Variants in EPB41L5 observed in about 807,000 individuals in gnomAD.
EPB41L5 encodes the protein erythrocyte membrane protein band 4.1 like 5.
In EPB41L5, 55 loss-of-function variants were observed where a neutral mutation model predicts 106.6. That is an observed-to-expected ratio of 0.52 (90% CI 0.42 to 0.65). The LOEUF is 0.65. EPB41L5 is among the 30% of genes least tolerant of loss of function. The probability of loss-of-function intolerance (pLI) is 0.00; values close to 1 mark genes in which losing one functional copy is unlikely to be tolerated. For missense variants in EPB41L5, 871 were observed against 882.1 expected, an observed-to-expected ratio of 0.99 and a Z score of 0.16; for synonymous variants, 297 against 306.7, an observed-to-expected ratio of 0.97 and a Z score of 0.33.
At chr2:120,031,981 A>AT (rs1558809169) in intron 2 of EPB41L5, among the ~76,000 whole-genome samples, 1 of 152,150 alleles carries the variant, frequency 6.6e-6, no homozygotes, top group Admixed American at 6.6e-5. Flanking sequence ...TACAAAAAAA[A>AT]TTTTTTTTAA....
intron 16 of EPB41L5, chr2:120,104,736 AATTT>A: frequency 1.1e-6 from 1 of 918,370 alleles, no homozygotes. Context: ...CACATACCTT[AATTT>A]AAGTGCCTAA....
intron 18 of EPB41L5, among the ~76,000 whole-genome samples, chr2:120,142,765 CT>C (rs1261753650): frequency 2.0e-5 from 3 of 152,116 alleles, no homozygotes; most frequent in African/African-American, 7.2e-5. Context: ...CAGATTTGCC[CT>C]TTGGGTTATA....
chr2:120,034,502 A>T (rs900319531), intron 2 of EPB41L5, among the ~76,000 whole-genome samples: 4 of 152,132 alleles, frequency 2.6e-5, no homozygotes, highest in African/African-American at 7.2e-5. Flanking sequence ...GTAGTGTAGA[A>T]ATATTTTGTA....
At chr2:120,168,162 G>A (rs960575237) in intron 24 of EPB41L5, among the ~76,000 whole-genome samples, 155 bp downstream of exon 24, 6 of 152,156 alleles carry the variant, frequency 3.9e-5, no homozygotes, top group Non-Finnish European at 8.8e-5. Flanking sequence ...ATTTAGTGTA[G>A]TGGCTTTTTC....
intron 16 of EPB41L5, among the ~76,000 whole-genome samples, chr2:120,114,873 CAT>C (rs1274818064): frequency 6.6e-6 from 1 of 152,116 alleles, no homozygotes; most frequent in Non-Finnish European, 1.5e-5. Flanking sequence ...TTTTTCTGCT[CAT>C]AAAGTGAAAG....
intron 21 of EPB41L5, among the ~76,000 whole-genome samples, chr2:120,163,946 C>T (rs1331078419): frequency 5.1e-4 from 58 of 114,346 alleles, no homozygotes; most frequent in Non-Finnish European, 9.3e-4. Context: ...AAGATCTTGT[C>T]TCAAAACAAC....
Position 120,042,047 on chromosome 2 carries a change from C to T in EPB41L5, c.222C>T (p.Tyr74=). ...AAGAGTTGTTTGATCAGATTATGTA[C>T]CACCTGGACCTGATTGAAAGCGACT... ...KGQELFDQIM[Y]HLDLIESDYF... is the part of the protein sequence containing the mutation. The change falls in exon 3 of 25, where the codon TAC becomes TAT. Residue 74 remains tyrosine (Y), a synonymous_variant. Transcript: ENST00000263713. 2 of 1,613,250 alleles carry T rather than the reference C, an allele frequency of 1.2e-6. No individual in the cohort carries two copies. Among genetic ancestry groups the T allele is most frequent in the East Asian group, 2.2e-5 (1 of 44,832 alleles).
intron 2 of EPB41L5, among the ~76,000 whole-genome samples, chr2:120,020,060 TTC>T (rs1357723727): frequency 6.6e-6 from 1 of 152,202 alleles, no homozygotes; most frequent in African/African-American, 2.4e-5. Flanking sequence ...TTGAATATTT[TTC>T]TGAGTTGCTT....
At chr2:120,161,442 C>G (rs1347202479) in intron 21 of EPB41L5, among the ~76,000 whole-genome samples, 1 of 151,710 alleles carries the variant, frequency 6.6e-6, no homozygotes. Flanking sequence ...CCTGTTGCCA[C>G]ACTACTCACA....
At chr2:120,020,326 A>G (rs1000697507) in intron 2 of EPB41L5, among the ~76,000 whole-genome samples, 3 of 152,198 alleles carry the variant, frequency 2.0e-5, no homozygotes, top group African/African-American at 7.2e-5. Context: ...AGTATAAGGA[A>G]TTGGAGAGTT....
intron 16 of EPB41L5, among the ~76,000 whole-genome samples, chr2:120,123,265 T>G (rs1685310424): frequency 6.6e-6 from 1 of 152,202 alleles, no homozygotes; most frequent in South Asian, 2.1e-4. Context: ...CTGACTGTTG[T>G]TCACCGCCTC....
chr2:120,020,564 G>A (rs1677851419), intron 2 of EPB41L5, among the ~76,000 whole-genome samples: 1 of 145,432 alleles, frequency 6.9e-6, no homozygotes, highest in Non-Finnish European at 1.5e-5. Flanking sequence ...CTTCCTGTAA[G>A]TGCTTCTTGA....
rs1678056681 is a variant in EPB41L5 at position 120,023,133 on chromosome 2, C to T, written c.180+3869C>T. On this transcript the variant is annotated intron_variant, in intron 2 of 24. Transcript: ENST00000263713. ...AAACTTTCTCCCATTCTGTAGTTTGCCAGATGATAGTTTCTTTTGCTGGGC... is the reference window on the plus strand; with the variant it reads ...AAACTTTCTCCCATTCTGTAGTTTGTCAGATGATAGTTTCTTTTGCTGGGC... Among the ~76,000 whole-genome samples the T allele has an allele frequency of 3.3e-5, 5 of 151,960 alleles. No homozygotes were observed. The South Asian group carries it at 1.0e-3, about 32-fold the overall frequency.
intron 18 of EPB41L5, among the ~76,000 whole-genome samples, chr2:120,133,534 C>T (rs1283391190): frequency 1.3e-5 from 2 of 152,138 alleles, no homozygotes; most frequent in African/African-American, 4.8e-5. Context: ...GGCACAATTT[C>T]GCTGGTGCCC....
intron 10 of EPB41L5, among the ~76,000 whole-genome samples, chr2:120,079,365 A>AGG: frequency 6.6e-6 from 1 of 152,334 alleles, no homozygotes; most frequent in East Asian, 1.9e-4. Context: ...TGTAGATTAA[A>AGG]GGACCCCAAA....
At chr2:120,016,653 C>G (rs1383333929) in intron 1 of EPB41L5, among the ~76,000 whole-genome samples, 1 of 151,642 alleles carries the variant, frequency 6.6e-6, no homozygotes, top group Non-Finnish European at 1.5e-5. Context: ...TTTTTCGTAT[C>G]TTGCTCTTTG....
Position 120,019,127 on chromosome 2 carries a change from C to A in EPB41L5, c.43C>A (p.Arg15Ser). Residue 15 changes from arginine to serine, a missense_variant, in exon 2 of 25, where the codon CGT (arginine) becomes AGT (serine). Arg to Ser is a moderately radical substitution (Grantham distance 110, BLOSUM62 -1). Coordinates refer to ENST00000263713, the MANE Select transcript of EPB41L5 (RefSeq NM_020909.4). ...FRRTLGRRSM[R>S]KHAEKERLRE... Reference sequence around the variant, plus strand: ...TAGAACACTAGGGCGTCGGTCTATGCGTAAACATGCAGAGAAGGAACGACT... The same window carrying A: ...TAGAACACTAGGGCGTCGGTCTATGAGTAAACATGCAGAGAAGGAACGACT... The A allele has an allele frequency of 1.2e-6, 2 of 1,613,614 alleles. No individual in the cohort carries two copies. Among genetic ancestry groups the A allele is most frequent in the East Asian group, 2.2e-5 (1 of 44,872 alleles).
chr2:120,087,442 A>G (rs992753197), intron 11 of EPB41L5, among the ~76,000 whole-genome samples: 3 of 152,226 alleles, frequency 2.0e-5, no homozygotes, highest in East Asian at 3.8e-4. Flanking sequence ...GAAAAATAAT[A>G]TAAAAGTGTC....
At chr2:120,061,445 G>A (rs543364590) in intron 3 of EPB41L5, among the ~76,000 whole-genome samples, 2 of 151,488 alleles carry the variant, frequency 1.3e-5, no homozygotes, top group Admixed American at 6.6e-5. Flanking sequence ...GGATGGTCTC[G>A]ATCTCCTGAC....
Sources: gnomAD v4.1 joint callset for allele counts (sites outside exome capture counted in the v4.1 genomes callset) on GRCh38, gnomAD v4.1.1 for gene constraint, MANE v1.5 for transcripts, NCBI Gene and HGNC (gene_info 2026-07-23, HGNC 2026-07-21) for gene names.